Variants in PRUNE2 observed in about 807,000 individuals in gnomAD.
The protein encoded by PRUNE2 is protein prune homolog 2.
In PRUNE2, 164 loss-of-function variants were observed where a neutral mutation model predicts 252.0. That is an observed-to-expected ratio of 0.65 (90% confidence interval 0.57 to 0.74). The LOEUF (loss-of-function observed/expected upper bound fraction) is 0.74. Ranked by LOEUF, PRUNE2 falls within the 30% of genes least tolerant of loss-of-function variation. PRUNE2 has a pLI of 0.00. For synonymous variants in PRUNE2, 1,292 were observed against 1,350.2 expected (o/e 0.96, Z 0.94); for missense variants, 3,495 against 3,711.0 (o/e 0.94, Z 1.51).
chr9:76,690,800 T>A (rs1200519972), intron 9 of PRUNE2, among the ~76,000 whole-genome samples: 1 of 152,206 alleles, frequency 6.6e-6, no homozygotes, highest in African/African-American at 2.4e-5. Context: ...TGACTTCCAA[T>A]GACAATAACC....
intron 1 of PRUNE2, among the ~76,000 whole-genome samples, chr9:76,896,751 C>T (rs1433530254): frequency 6.6e-6 from 1 of 152,148 alleles, no homozygotes; most frequent in Non-Finnish European, 1.5e-5. Context: ...TGGATCTTCT[C>T]CTGCCTAGAC....
chr9:76,833,926 G>A (rs1375101784), intron 4 of PRUNE2, among the ~76,000 whole-genome samples: 1 of 146,766 alleles, frequency 6.8e-6, no homozygotes, highest in African/African-American at 2.5e-5. Context: ...TGGTCGCCCA[G>A]GCCGGAGTGC....
Position 76,886,007 on chromosome 9 carries a change from G to C in PRUNE2, c.36+19921C>G, listed in dbSNP as rs575738152. On this transcript the variant is annotated intron_variant, in intron 1 of 18. Coordinates refer to ENST00000376718, the MANE Select transcript of PRUNE2 (RefSeq NM_015225.3). ...ATCCTGGCCAACATGGCGAAACCCC[G>C]TCTCTACTAAAAATACAAAAAAAAA... 6.0e-5 allele frequency among the ~76,000 whole-genome samples: 9 copies of C among 150,822 alleles called. 2 individuals are homozygous for C. In the South Asian group the frequency reaches 1.9e-3, roughly 32 times the overall value.
chr9:76,837,834 C>A (rs939234282), intron 4 of PRUNE2, among the ~76,000 whole-genome samples: 2 of 149,500 alleles, frequency 1.3e-5, no homozygotes, highest in Admixed American at 6.7e-5. Context: ...TGCAGTGGCG[C>A]AATCTCGGCT....
intron 9 of PRUNE2, among the ~76,000 whole-genome samples, chr9:76,695,432 C>T (rs1411042612): frequency 6.6e-6 from 1 of 152,140 alleles, no homozygotes; most frequent in Non-Finnish European, 1.5e-5. Context: ...CCTATTTTCT[C>T]CCCATGAGGA....
intron 4 of PRUNE2, among the ~76,000 whole-genome samples, chr9:76,830,480 C>T (rs1231189535): frequency 1.3e-5 from 2 of 151,648 alleles, no homozygotes; most frequent in South Asian, 2.1e-4. Flanking sequence ...GGTGAAACTC[C>T]ATCTCTACTA....
intron 6 of PRUNE2, chr9:76,786,737 G>T (rs1564302826): frequency 6.6e-6 from 1 of 152,082 alleles, no homozygotes; most frequent in Non-Finnish European, 1.5e-5. Context: ...GGGCTATATT[G>T]CTTTAGATGA....
At chr9:76,860,004 A>C (rs933735472) in intron 1 of PRUNE2, among the ~76,000 whole-genome samples, 4 of 152,168 alleles carry the variant, frequency 2.6e-5, no homozygotes, top group Non-Finnish European at 4.4e-5. Flanking sequence ...CCCGGCCTGA[A>C]GCCAGGGTTT....
intron 6 of PRUNE2, among the ~76,000 whole-genome samples, chr9:76,767,710 C>T (rs1394971850): frequency 1.3e-5 from 2 of 152,136 alleles, no homozygotes; most frequent in East Asian, 1.9e-4. Flanking sequence ...TAATACATAT[C>T]GTGCATCTCT....
chr9:76,616,035 T>G lies in PRUNE2; in HGVS notation c.9237-1435A>C, dbSNP rs191094299. ...CGCCCACTTCAGCCTCCCAAAGTGC[T>G]GGGATTACAGGCATGAGCCAGCATG... On this transcript the variant is annotated intron_variant, in intron 18 of 18. Coordinates refer to ENST00000376718, the MANE Select transcript of PRUNE2 (RefSeq NM_015225.3). Among the ~76,000 whole-genome samples the G allele has an allele frequency of 1.2e-3, 175 of 147,764 alleles. 2 individuals carry two copies. The highest frequency in any genetic ancestry group is 4.4e-3 in the African/African-American group (173 of 39,596).
rs1294961435 is a variant in PRUNE2, at chr9:76,906,063, G to A, written c.-100C>T. The A allele has an allele frequency of 7.5e-7, 1 of 1,341,484 alleles. No individual in the cohort carries two copies. The highest frequency in any genetic ancestry group is 1.1e-6 in the Non-Finnish European group (1 of 937,094). 83.1% of individuals were successfully genotyped at this position (1,341,484 alleles called of 1,614,324 possible). On this transcript the variant is annotated 5_prime_UTR_variant, in exon 1 of 19. Coordinates refer to ENST00000376718, the MANE Select transcript of PRUNE2 (RefSeq NM_015225.3). ...GGGTCCCGGGAAAGTGGCCCGCCGG[G>A]GCGCAGCGACCGACTGCTCCCTCCT...
At chr9:76,631,966 A>C (rs1300799678) in intron 15 of PRUNE2, among the ~76,000 whole-genome samples, 1 of 152,204 alleles carries the variant, frequency 6.6e-6, no homozygotes, top group African/African-American at 2.4e-5. Flanking sequence ...GTTGTTGCAA[A>C]GGAAGTGATT....
At chr9:76,733,919 T>A (rs1588914837) in intron 6 of PRUNE2, among the ~76,000 whole-genome samples, 1 of 147,518 alleles carries the variant, frequency 6.8e-6, no homozygotes, top group Non-Finnish European at 1.5e-5. Context: ...CTTAAAAGTT[T>A]TAGTTGTTTT....
At chr9:76,699,029 C>CCCTCCTA (rs1370647360) in intron 9 of PRUNE2, among the ~76,000 whole-genome samples, 6 of 132,832 alleles carry the variant, frequency 4.5e-5, no homozygotes, top group Non-Finnish European at 9.7e-5. Flanking sequence ...TCTTCTCCTT[C>CCCTCCTA]CCCACCCCAC....
At chr9:76,894,915 A>G (rs1275159820) in intron 1 of PRUNE2, among the ~76,000 whole-genome samples, 1 of 152,114 alleles carries the variant, frequency 6.6e-6, no homozygotes, top group East Asian at 1.9e-4. Context: ...AATCCCAGCT[A>G]CTCAGGAGGT....
intron 1 of PRUNE2, among the ~76,000 whole-genome samples, chr9:76,885,249 G>A (rs1174856475): frequency 1.3e-5 from 2 of 152,222 alleles, no homozygotes; most frequent in South Asian, 2.1e-4. Flanking sequence ...ATAATGGTGT[G>A]TGCTGAGAGG....
intron 9 of PRUNE2, among the ~76,000 whole-genome samples, chr9:76,662,904 G>T (rs1444772337): frequency 2.6e-5 from 4 of 152,128 alleles, no homozygotes; most frequent in African/African-American, 7.2e-5. Context: ...GACTGATAAG[G>T]TTGCTGTCTC....
intron 4 of PRUNE2, among the ~76,000 whole-genome samples, chr9:76,835,208 G>T (rs916007327): frequency 3.3e-5 from 5 of 152,128 alleles, no homozygotes; most frequent in Non-Finnish European, 7.4e-5. Flanking sequence ...ATGATCTAAT[G>T]AAGTCAGAAA....
intron 6 of PRUNE2, among the ~76,000 whole-genome samples, chr9:76,797,514 G>A (rs914336240): frequency 6.6e-6 from 1 of 152,042 alleles, no homozygotes; most frequent in African/African-American, 2.4e-5. Context: ...TTTAAAAATT[G>A]TTTCCCAAAA....
Sources: gnomAD v4.1 joint callset for allele counts (sites outside exome capture counted in the v4.1 genomes callset) on GRCh38, gnomAD v4.1.1 for gene constraint, MANE v1.5 for transcripts, NCBI Gene and HGNC (gene_info 2026-07-23, HGNC 2026-07-21) for gene names.